The following MAN1B1 variants were observed in gnomAD, a reference collection of about 807,000 sequenced individuals.
The protein encoded by MAN1B1 is endoplasmic reticulum mannosyl-oligosaccharide 1,2-alpha-mannosidase.
MAN1B1 carries 66 observed loss-of-function variants against 75.5 expected under a neutral mutation model. That is an observed-to-expected ratio of 0.87 (90% CI 0.72 to 1.07). MAN1B1 has a LOEUF of 1.07. Among genes scored for constraint, MAN1B1 ranks in the 50% least tolerant of loss-of-function variants. The probability of loss-of-function intolerance (pLI) is 0.00; values close to 1 mark genes in which losing one functional copy is unlikely to be tolerated. For synonymous variants in MAN1B1, 453 were observed against 382.8 expected (o/e 1.18, Z -2.14); for missense variants, 973 against 912.5 (o/e 1.07, Z -0.85).
rs1431064834 is a variant in MAN1B1 at position 137,102,399 on chromosome 9, A to G, written c.1254+727A>G. The G allele has an allele frequency of 3.0e-5, 13 of 432,332 alleles. No homozygotes were observed. The Admixed American group carries it at 3.1e-4, about 10-fold the overall frequency. 26.8% of individuals were successfully genotyped at this position (432,332 alleles called of 1,614,324 possible). On this transcript the variant is annotated intron_variant, in intron 8 of 12. Coordinates refer to ENST00000371589, the MANE Select transcript of MAN1B1 (RefSeq NM_016219.5). The stretch of plus-strand genomic sequence containing the variant: ...GACGTGCAGGTCAGTGCTGTTACAC[A>G]CGCTGTTGCAGGCGTGCAGGTTGGT...
At chr9:137,100,623 AAC>A (rs1373876014) in intron 6 of MAN1B1, among the ~76,000 whole-genome samples, 2 of 152,056 alleles carry the variant, frequency 1.3e-5, no homozygotes, top group Non-Finnish European at 2.9e-5. Context: ...CCTGGTTTCA[AAC>A]GTGGGTTTTT....
At chr9:137,103,183 C>G in intron 8 of MAN1B1, 1 of 229,304 alleles carries the variant, frequency 4.4e-6, no homozygotes, top group South Asian at 2.8e-5. Context: ...CGGTGGTACA[C>G]ACATTCACAC....
At chr9:137,102,751 T>TAC (rs1180470418) in intron 8 of MAN1B1, 1 of 414,480 alleles carries the variant, frequency 2.4e-6, no homozygotes, top group African/African-American at 2.6e-5. Flanking sequence ...TCGGTGGTGT[T>TAC]ACATTCACAC....
At chr9:137,097,066 G>C (rs1165684737) in intron 4 of MAN1B1, among the ~76,000 whole-genome samples, 1 of 152,240 alleles carries the variant, frequency 6.6e-6, no homozygotes, top group Non-Finnish European at 1.5e-5. Flanking sequence ...CTGAACTCAA[G>C]CGCGTGGTGA....
chr9:137,101,423 G>A, intron 7 of MAN1B1, 61 bp from the exon 8 acceptor site: 1 of 1,495,882 alleles, frequency 6.7e-7, no homozygotes, highest in Non-Finnish European at 9.3e-7. Context: ...CTGCATGAAA[G>A]GGTGTAGACG....
In MAN1B1 at chr9:137,109,125, CA is replaced by C. The variant is rs1413337211; in HGVS notation, c.*535del. On this transcript the variant is annotated 3_prime_UTR_variant, in exon 13 of 13. Transcript: ENST00000371589. Reference sequence around the variant, plus strand: ...GGCTGGACGGCAAGTCCGTCTAGCTCACGGGCCCCTCCAGTGGAATGGGTCT... The same window carrying C: ...GGCTGGACGGCAAGTCCGTCTAGCTCCGGGCCCCTCCAGTGGAATGGGTCT... 1 of 454,938 alleles carries C rather than the reference CA, an allele frequency of 2.2e-6. No individual in the cohort carries two copies. Among genetic ancestry groups the C allele is most frequent in the African/African-American group, 2.0e-5 (1 of 50,142 alleles). The allele number at this position is 454,938 out of a possible 1,614,324, so 28.2% of individuals were successfully genotyped here.
At chr9:137,090,215 G>C (rs1166731418) in intron 3 of MAN1B1, among the ~76,000 whole-genome samples, 1 of 152,154 alleles carries the variant, frequency 6.6e-6, no homozygotes. Flanking sequence ...TGGTGTGGCT[G>C]CTCGGAACCC....
Position 137,107,678 on chromosome 9 carries a change from C to T in MAN1B1, c.1896+16C>T, listed in dbSNP as rs1404624368. 6.2e-6 allele frequency: 10 copies of T among 1,609,704 alleles called. No individual in the cohort carries two copies. The highest frequency in any genetic ancestry group is 1.6e-4 in the Middle Eastern group (1 of 6,084). ...ATTCACACGGGTGAGCACCTGTCCT[C>T]GCCCCGCGTGGTCACGGCCACCGGG... is the stretch of plus-strand genomic sequence containing the variant. On this transcript the variant is annotated intron_variant, in intron 12 of 12. Transcript: ENST00000371589.
At chr9:137,099,148 G>A (rs554124544) in intron 5 of MAN1B1, among the ~76,000 whole-genome samples, 8 of 152,348 alleles carry the variant, frequency 5.3e-5, no homozygotes, top group African/African-American at 1.9e-4. Flanking sequence ...TTAAAAAAAG[G>A]GAACGAAGGG....
rs1363702805 is a variant in MAN1B1 at position 137,107,638 on chromosome 9, G to A, written c.1872G>A (p.Leu624=). 1.2e-6 allele frequency: 2 copies of A among 1,609,954 alleles called. No homozygotes were observed. The highest frequency in any genetic ancestry group is 1.7e-5 in the Admixed American group (1 of 60,010). The part of the protein sequence containing the change: ...RKYQDWGWEI[L]QSFSRFTRVP... ...ACCAGGACTGGGGCTGGGAGATTCTGCAGAGCTTCAGCCGATTCACACGGG... is the reference window on the plus strand; with the variant it reads ...ACCAGGACTGGGGCTGGGAGATTCTACAGAGCTTCAGCCGATTCACACGGG... Residue 624 remains leucine (L), a synonymous_variant, in exon 12 of 13, where the codon CTG becomes CTA. Transcript: ENST00000371589.
chr9:137,099,120 G>A (rs923197952), intron 5 of MAN1B1, among the ~76,000 whole-genome samples: 8 of 152,152 alleles, frequency 5.3e-5, no homozygotes, highest in East Asian at 3.9e-4. Context: ...GGGAGCCACC[G>A]TGCCCAGCCA....
chr9:137,090,952 G>T (rs747553187), intron 3 of MAN1B1, among the ~76,000 whole-genome samples: 1 of 152,166 alleles, frequency 6.6e-6, no homozygotes, highest in African/African-American at 2.4e-5. Flanking sequence ...CCTTTCAAAG[G>T]CAGCATTCCT....
intron 9 of MAN1B1, 40 bp downstream of exon 9, chr9:137,106,355 C>G (rs1467399107): frequency 2.0e-6 from 3 of 1,520,940 alleles, no homozygotes; most frequent in Admixed American, 2.0e-5. Context: ...CGCGGCTCCC[C>G]CGTTCCCGCA....
At chr9:137,107,122 C>A in intron 10 of MAN1B1, 128 bp from the exon 11 acceptor site, 1 of 1,017,886 alleles carries the variant, frequency 9.8e-7, no homozygotes, top group Non-Finnish European at 1.4e-6. Flanking sequence ...GCCAAGTGCC[C>A]TCGCGTGGCC....
At position 137,107,784 on chromosome 9, in the gene MAN1B1, C is replaced by T. The variant is rs748732565; in HGVS notation, c.1896+122C>T. On this transcript the variant is annotated intron_variant, in intron 12 of 12. Coordinates refer to ENST00000371589, the MANE Select transcript of MAN1B1 (RefSeq NM_016219.5). ...GTGACCTGGATCCGGGAGGGGCGGG[C>T]TTGCCGCAGCCTCGGGGTGGCCACA... The T allele has an allele frequency of 5.5e-6, 8 of 1,447,446 alleles. No homozygotes were observed. In the East Asian group the frequency reaches 1.6e-4, roughly 29 times the overall value. 89.7% of individuals were successfully genotyped at this position (1,447,446 alleles called of 1,614,324 possible).
intron 2 of MAN1B1, chr9:137,088,516 C>T: frequency 8.6e-7 from 1 of 1,156,714 alleles, no homozygotes; most frequent in Non-Finnish European, 1.2e-6. Flanking sequence ...TGGAAAAGAC[C>T]AGGCAGAGTT....
intron 5 of MAN1B1, among the ~76,000 whole-genome samples, chr9:137,098,439 A>G (rs1362239004): frequency 1.3e-5 from 2 of 152,118 alleles, no homozygotes; most frequent in African/African-American, 4.8e-5. Context: ...CCACCCCCAG[A>G]GTCGTTTGCT....
At chr9:137,088,583 C>G in intron 2 of MAN1B1, 1 of 769,880 alleles carries the variant, frequency 1.3e-6, no homozygotes, top group South Asian at 1.6e-5. Flanking sequence ...CTCTTTGGAG[C>G]AAAGCTAAAG....
chr9:137,106,405 C>G, intron 9 of MAN1B1, 90 bp downstream of exon 9: 2 of 1,232,342 alleles, frequency 1.6e-6, no homozygotes, highest in Non-Finnish European at 2.3e-6. Flanking sequence ...ACGGCCCCCG[C>G]TCCTGCTGCC....
Sources: allele counts gnomAD v4.1 joint callset (sites outside exome capture counted in the v4.1 genomes callset), GRCh38; gene constraint gnomAD v4.1.1; transcripts MANE v1.5; gene names NCBI Gene and HGNC (gene_info 2026-07-23, HGNC 2026-07-21).